Variants in PIEZO2 observed in about 807,000 individuals in gnomAD.
PIEZO2 encodes piezo type mechanosensitive ion channel component 2.
A neutral mutation model predicts 337.3 loss-of-function variants in PIEZO2; 172 were observed. That is an observed-to-expected ratio of 0.51 (90% CI 0.45 to 0.58). The LOEUF (loss-of-function observed/expected upper bound fraction) is 0.58, where lower values mean the gene tolerates loss of function less well. Among genes scored for constraint, PIEZO2 ranks in the 20% least tolerant of loss-of-function variants. PIEZO2 has a pLI of 0.00. For synonymous variants in PIEZO2, 1,251 were observed against 1,228.5 expected (o/e 1.02, Z -0.38); for missense variants, 3,028 against 3,391.3 (o/e 0.89, Z 2.66).
chr18:10,931,328 T>C (rs1326358559), intron 3 of PIEZO2, among the ~76,000 whole-genome samples: 5 of 152,170 alleles, frequency 3.3e-5, no homozygotes, highest in Non-Finnish European at 7.4e-5. Flanking sequence ...GCCTCCCAAG[T>C]AGCTGGGACT....
chr18:10,802,990 G>T (rs1033320293), intron 9 of PIEZO2, among the ~76,000 whole-genome samples: 1 of 146,672 alleles, frequency 6.8e-6, no homozygotes, highest in Non-Finnish European at 1.5e-5. Context: ...AAAAAAAAAG[G>T]TATTTTAATA....
chr18:11,134,546 T>C (rs1458042120), intron 1 of PIEZO2, among the ~76,000 whole-genome samples: 1 of 152,152 alleles, frequency 6.6e-6, no homozygotes, highest in Non-Finnish European at 1.5e-5. Context: ...CTTTTTATTG[T>C]TCTATCTGGT....
intron 2 of PIEZO2, among the ~76,000 whole-genome samples, chr18:11,012,974 G>T (rs1426022113): frequency 2.6e-5 from 4 of 152,146 alleles, no homozygotes; most frequent in African/African-American, 9.7e-5. Flanking sequence ...AGCCAGGGCA[G>T]TTAAGGCTGG....
chr18:10,970,146 C>T (rs530181777), intron 3 of PIEZO2, among the ~76,000 whole-genome samples: 1 of 152,346 alleles, frequency 6.6e-6, no homozygotes. Context: ...ATCTGACCCC[C>T]TCTACCTGGG....
rs1031493355 is a variant in PIEZO2, at chr18:10,993,774, G to A, written c.161-14114C>T. ...GATCTCCTGACTTCGTGATCTGCCCGCTTCGGCCTCCCAAAGTGCTGGGAT... is the reference window on the plus strand; with the variant it reads ...GATCTCCTGACTTCGTGATCTGCCCACTTCGGCCTCCCAAAGTGCTGGGAT... On this transcript the variant is annotated intron_variant, in intron 2 of 55. Transcript: ENST00000674853. This position sits in a 1 kb window ranked among gnomAD's most constrained non-coding sequence, Gnocchi z 5.0. Among the ~76,000 whole-genome samples the A allele has an allele frequency of 2.6e-5, 4 of 152,090 alleles. No homozygotes were observed. Among genetic ancestry groups the A allele is most frequent in the Non-Finnish European group, 2.9e-5 (2 of 68,022 alleles).
At position 11,032,043 on chromosome 18, in the gene PIEZO2, G is replaced by A. The variant is rs1396082114; in HGVS notation, c.160+34084C>T. Among the ~76,000 whole-genome samples the A allele has an allele frequency of 6.6e-6, 1 of 152,140 alleles. No individual in the cohort carries two copies. Among genetic ancestry groups the A allele is most frequent in the Admixed American group, 6.5e-5 (1 of 15,278 alleles). On this transcript the variant is annotated intron_variant, in intron 2 of 55. Coordinates refer to ENST00000674853, the MANE Select transcript of PIEZO2 (RefSeq NM_001378183.1). This position sits in a 1 kb window ranked among gnomAD's most constrained non-coding sequence, Gnocchi z 4.9. ...TGATTCCAATGACGATGGCAATAAA[G>A]TAATGATGACAAGAGCTACCATTTT...
chr18:10,715,004 CA>C, intron 38 of PIEZO2, 74 bp from the exon 39 acceptor site: 1 of 1,438,052 alleles, frequency 7.0e-7, no homozygotes, highest in South Asian at 1.3e-5. Flanking sequence ...TTTCTCAACA[CA>C]GACAGCTTTT....
chr18:10,924,139 A>AAC (rs2031584598), intron 3 of PIEZO2, among the ~76,000 whole-genome samples: 2 of 152,204 alleles, frequency 1.3e-5, no homozygotes, highest in African/African-American at 4.8e-5. Flanking sequence ...ACTCTGTCCC[A>AAC]ACACACACAC....
chr18:10,876,282 TA>T (rs1269269750), intron 4 of PIEZO2, among the ~76,000 whole-genome samples: 1 of 152,254 alleles, frequency 6.6e-6, no homozygotes, highest in Non-Finnish European at 1.5e-5. Flanking sequence ...ACTATTATAC[TA>T]AAAGACTTGA....
intron 44 of PIEZO2, 132 bp from the exon 45 acceptor site, chr18:10,698,012 C>CGGATGCATTTGTGAACATTTACTGA: frequency 1.9e-6 from 2 of 1,062,350 alleles, no homozygotes; most frequent in Non-Finnish European, 2.6e-6. Context: ...TGAGTATGCA[C>CGGATGCATTTGTGAACATTTACTGA]GGCCTTGGGA....
chr18:10,715,741 G>A lies in PIEZO2; in HGVS notation c.5165C>T (p.Thr1722Ile). The change falls in exon 38 of 56, where the codon ACT (threonine) becomes ATT (isoleucine). Residue 1722 changes from threonine to isoleucine, a missense_variant. Thr to Ile is a moderately conservative substitution (Grantham distance 89). This residue lies in a region of PIEZO2 where 1,925 missense variants were observed against 2,051.9 expected (regional missense o/e 0.94). Coordinates refer to ENST00000674853, the MANE Select transcript of PIEZO2 (RefSeq NM_001378183.1). ...CCTTGAAATGGAGTTAAGCCAAGTAGTGAAACTGTCCACTGTTGCCAGAAA... is the reference window on the plus strand; with the variant it reads ...CCTTGAAATGGAGTTAAGCCAAGTAATGAAACTGTCCACTGTTGCCAGAAA... The part of the protein sequence containing the change: ...VLFLATVDSF[T>I]TWLNSISREH... 6.5e-7 allele frequency: 1 copy of A among 1,535,680 alleles called. No individual in the cohort carries two copies. The highest frequency in any genetic ancestry group is 1.4e-5 in the African/African-American group (1 of 73,090).
intron 4 of PIEZO2, among the ~76,000 whole-genome samples, chr18:10,884,628 A>G (rs1157161358): frequency 6.6e-6 from 1 of 152,204 alleles, no homozygotes; most frequent in African/African-American, 2.4e-5. Flanking sequence ...GGACACCATT[A>G]ACGACTAGCA....
intron 1 of PIEZO2, among the ~76,000 whole-genome samples, chr18:11,123,362 G>A (rs1384862218): frequency 6.6e-6 from 1 of 152,188 alleles, no homozygotes; most frequent in Non-Finnish European, 1.5e-5. Flanking sequence ...TGAAATGAAG[G>A]CAAGCTAATT....
Position 11,092,631 on chromosome 18 carries a change from A to G in PIEZO2, c.65-26409T>C, listed in dbSNP as rs562226558. Among the ~76,000 whole-genome samples, 8 of 152,328 alleles carry G rather than the reference A, an allele frequency of 5.3e-5. No individual in the cohort carries two copies. In the East Asian group the frequency reaches 1.5e-3, roughly 29 times the overall value. On this transcript the variant is annotated intron_variant, in intron 1 of 55. Coordinates refer to ENST00000674853, the MANE Select transcript of PIEZO2 (RefSeq NM_001378183.1). The surrounding 1 kb of genome is among the most constrained non-coding windows in gnomAD (Gnocchi z 4.5). ...TAGACACAATTTTACACAACCAAGA[A>G]TAAATGTAATTGGACAAGGCAACCT...
rs564206124 is a variant in PIEZO2 at position 11,112,240 on chromosome 18, G to T, written c.64+36285C>A. On this transcript the variant is annotated intron_variant, in intron 1 of 55. Coordinates refer to ENST00000674853, the MANE Select transcript of PIEZO2 (RefSeq NM_001378183.1). This position sits in a 1 kb window ranked among gnomAD's most constrained non-coding sequence, Gnocchi z 4.3. ...ATATTCGGATATTTGTAAAGATAACGGTGACTTTTCAAGTTCTGAATACCA... is the reference window on the plus strand; with the variant it reads ...ATATTCGGATATTTGTAAAGATAACTGTGACTTTTCAAGTTCTGAATACCA... Among the ~76,000 whole-genome samples the T allele has an allele frequency of 5.3e-5, 8 of 152,192 alleles. No individual in the cohort carries two copies. The South Asian group carries it at 1.7e-3, about 32-fold the overall frequency.
rs540425415 is a variant in PIEZO2 at position 10,870,853 on chromosome 18, A to C, written c.492+400T>G. On this transcript the variant is annotated intron_variant, in intron 5 of 55. Coordinates refer to ENST00000674853, the MANE Select transcript of PIEZO2 (RefSeq NM_001378183.1). The surrounding 1 kb of genome is among the most constrained non-coding windows in gnomAD (Gnocchi z 5.3). ...CAGACTGGAAAGCTGCCCTGCAAGG[A>C]GGAACTCATTTTTTTCCCTAAAACT... Among the ~76,000 whole-genome samples the C allele has an allele frequency of 2.3e-4, 35 of 152,164 alleles. No individual in the cohort carries two copies. The highest frequency in any genetic ancestry group is 4.6e-4 in the Non-Finnish European group (31 of 68,038).
chr18:10,700,525 TTA>T (rs2035287871), intron 43 of PIEZO2, among the ~76,000 whole-genome samples: 1 of 152,038 alleles, frequency 6.6e-6, no homozygotes, highest in East Asian at 1.9e-4. Context: ...CAAGATTTTA[TTA>T]TATGTTTTAA....
intron 8 of PIEZO2, among the ~76,000 whole-genome samples, chr18:10,804,400 C>A (rs541219878): frequency 6.6e-6 from 1 of 152,334 alleles, no homozygotes; most frequent in African/African-American, 2.4e-5. Context: ...AAGGCAGAAT[C>A]ATCTAGAGCT....
intron 27 of PIEZO2, among the ~76,000 whole-genome samples, chr18:10,754,932 C>T (rs148765318): frequency 5.9e-5 from 9 of 152,086 alleles, no homozygotes; most frequent in Non-Finnish European, 1.0e-4. Context: ...CAGGGATAAC[C>T]GCATGACCTC....
Sources: gnomAD v4.1 joint callset for allele counts (sites outside exome capture counted in the v4.1 genomes callset) on GRCh38, gnomAD v4.1.1 for gene constraint, gnomAD v4.1.1 regional missense constraint, Gnocchi (gnomAD v3.1) non-coding constraint, MANE v1.5 for transcripts, NCBI Gene and HGNC (gene_info 2026-07-23, HGNC 2026-07-21) for gene names.